Variants in NKD2 observed in about 807,000 individuals in gnomAD.
NKD2 encodes the protein protein naked cuticle homolog 2.
A neutral mutation model predicts 34.8 loss-of-function variants in NKD2; 43 were observed. The ratio of observed to expected loss-of-function variants is 1.24; its 90% CI spans 0.97 to 1.60. NKD2 has a LOEUF of 1.60. Ranked by LOEUF, NKD2 falls within the 40% of genes most tolerant of loss-of-function variation. The probability of loss-of-function intolerance (pLI) is 0.00; values close to 1 mark genes in which losing one functional copy is unlikely to be tolerated. For missense variants in NKD2, 675 were observed against 627.1 expected (o/e 1.08, Z -0.82); for synonymous variants, 278 against 265.1 (o/e 1.05, Z -0.47).
In NKD2 at chr5:1,035,710, G is replaced by A. The variant is rs371911081; in HGVS notation, c.659+237G>A. On this transcript the variant is annotated intron_variant, in intron 8 of 9. Coordinates refer to ENST00000296849, the MANE Select transcript of NKD2 (RefSeq NM_033120.4). ...GGCTTTGAGGGGCAGCAGCCACAGC[G>A]GCCTTGACACCCTCAGTCTGGACTT... is the stretch of plus-strand genomic sequence containing the variant. 25 of 546,266 alleles carry A rather than the reference G, an allele frequency of 4.6e-5. 1 individual carries two copies. The highest frequency in any genetic ancestry group is 1.5e-4 in the African/African-American group (8 of 52,410). 33.8% of individuals were successfully genotyped at this position (546,266 alleles called of 1,614,324 possible).
chr5:1,036,831 G>A (rs751518498), intron 9 of NKD2: 29 of 454,580 alleles, frequency 6.4e-5, no homozygotes, highest in Admixed American at 1.7e-4. Context: ...CAGGCAGTGT[G>A]GACAACAGAC....
At chr5:1,035,701 A>G (rs1456302232) in intron 8 of NKD2, 2 of 550,628 alleles carry the variant, frequency 3.6e-6, no homozygotes, top group Non-Finnish European at 6.4e-6. Context: ...GAGGGGCAGC[A>G]GCCACAGCGG....
At chr5:1,012,329 T>C (rs530014663) in intron 3 of NKD2, among the ~76,000 whole-genome samples, 1 of 152,320 alleles carries the variant, frequency 6.6e-6, no homozygotes, top group Admixed American at 6.5e-5. Context: ...GACCAGCCAG[T>C]GCGTGGAGGA....
intron 8 of NKD2, 116 bp from the exon 9 acceptor site, chr5:1,036,141 G>T (rs1276612957): frequency 7.3e-7 from 1 of 1,376,762 alleles, no homozygotes; most frequent in East Asian, 2.7e-5. Context: ...CTGCGAGGAG[G>T]TGGGTGCTGG....
chr5:1,021,307 C>A (rs1256918913), intron 3 of NKD2, among the ~76,000 whole-genome samples: 3 of 81,898 alleles, frequency 3.7e-5, no homozygotes, highest in Non-Finnish European at 7.4e-5. Context: ...CCTGCCCGGT[C>A]CCCCCGGCCC....
chr5:1,034,017 G>A, intron 5 of NKD2: 1 of 588,136 alleles, frequency 1.7e-6, no homozygotes, highest in Middle Eastern at 4.5e-4. Context: ...CGAATCACAG[G>A]GCACAAAGCT....
At chr5:1,031,260 G>A (rs1382616848) in intron 3 of NKD2, among the ~76,000 whole-genome samples, 1 of 152,164 alleles carries the variant, frequency 6.6e-6, no homozygotes, top group East Asian at 1.9e-4. Context: ...GGACTGTGAG[G>A]GCAGTCCCAG....
chr5:1,023,218 A>G (rs866954388), intron 3 of NKD2, among the ~76,000 whole-genome samples: 220 of 3,192 alleles, frequency 0.069, 15 homozygotes, highest in African/African-American at 0.089. Context: ...GTCTCAGCCC[A>G]TTGTCCCTGC....
At position 1,038,058 on chromosome 5, in the gene NKD2, C is replaced by T. The variant is rs751428749; in HGVS notation, c.1041C>T (p.Ser347=). Residue 347 remains serine (S), a synonymous_variant, in exon 10 of 10, where the codon AGC becomes AGT. Transcript: ENST00000296849. The surrounding 1 kb of genome is among the most constrained non-coding windows in gnomAD (Gnocchi z 4.5). The part of the protein sequence containing the change: ...SGKPPGVPAS[S]KSGKAFSYYL... ...AGCCGCCTGGGGTGCCAGCCAGCAG[C>T]AAGTCCGGGAAAGCCTTCAGCTACT... The T allele has an allele frequency of 4.3e-6, 7 of 1,609,522 alleles. No homozygotes were observed. Among genetic ancestry groups the T allele is most frequent in the Non-Finnish European group, 5.1e-6 (6 of 1,179,238 alleles).
intron 7 of NKD2, 133 bp downstream of exon 7, chr5:1,035,036 ATGAG>A (rs1733792432): frequency 3.7e-6 from 3 of 809,174 alleles, no homozygotes; most frequent in East Asian, 2.7e-5. Flanking sequence ...GAGTGAGTGA[ATGAG>A]TAAGTGGGTG....
In NKD2 at chr5:1,008,830, C is replaced by T. The variant is rs1458003868; in HGVS notation, c.-228C>T. ...GGGAGCCGGGCCGCCGTCGCTGCCG[C>T]CGCTGTCCCCGCGCCCTGCGCCCGG... On this transcript the variant is annotated 5_prime_UTR_variant, in exon 1 of 10. Coordinates refer to ENST00000296849, the MANE Select transcript of NKD2 (RefSeq NM_033120.4). The T allele has an allele frequency of 1.4e-5, 4 of 283,296 alleles. No homozygotes were observed. The highest frequency in any genetic ancestry group is 1.2e-4 in the East Asian group (2 of 16,354). The allele number at this position is 283,296 out of a possible 1,614,324, so 17.5% of individuals were successfully genotyped here.
chr5:1,023,833 A>T (rs79103112), intron 3 of NKD2, among the ~76,000 whole-genome samples: 2 of 4,892 alleles, frequency 4.1e-4, no homozygotes, highest in Non-Finnish European at 0.019. Context: ...GTCCCAGCCC[A>T]TTGTCCCTGC....
At chr5:1,030,857 A>G (rs10061048) in intron 3 of NKD2, among the ~76,000 whole-genome samples, 74,312 of 152,128 alleles carry the variant, frequency 0.49, 18,341 homozygotes, top group East Asian at 0.59. Context: ...CTGGGCGGCC[A>G]GCAGGAGACC....
At chr5:1,031,275 G>T (rs1756635736) in intron 3 of NKD2, among the ~76,000 whole-genome samples, 1 of 152,166 alleles carries the variant, frequency 6.6e-6, no homozygotes, top group Non-Finnish European at 1.5e-5. Flanking sequence ...TCCCAGCTGG[G>T]CAGCCCTGGG....
chr5:1,013,018 T>C (rs1016248175), intron 3 of NKD2, among the ~76,000 whole-genome samples: 1 of 152,206 alleles, frequency 6.6e-6, no homozygotes, highest in African/African-American at 2.4e-5. Flanking sequence ...CCAGTGCACG[T>C]GCGCCCAGAG....
chr5:1,010,840 T>C (rs1413074796), intron 3 of NKD2, among the ~76,000 whole-genome samples: 1 of 152,220 alleles, frequency 6.6e-6, no homozygotes, highest in Non-Finnish European at 1.5e-5. Flanking sequence ...GGTCAGGGCT[T>C]TGGCCGGCCC....
rs753721076 is a variant in NKD2, at chr5:1,038,712, G to A, written c.*339G>A. On this transcript the variant is annotated 3_prime_UTR_variant, in exon 10 of 10. Coordinates refer to ENST00000296849, the MANE Select transcript of NKD2 (RefSeq NM_033120.4). The surrounding 1 kb of genome is among the most constrained non-coding windows in gnomAD (Gnocchi z 4.5). ...GCCCTGGAGTGCGCAAGGAGTGCCC[G>A]GATGCTTGGGGTGGGTGTTCCTCCC... The A allele has an allele frequency of 4.5e-5, 25 of 555,058 alleles. No homozygotes were observed. Among genetic ancestry groups the A allele is most frequent in the South Asian group, 1.6e-4 (8 of 49,636 alleles). 34.4% of individuals were successfully genotyped at this position (555,058 alleles called of 1,614,324 possible).
At position 1,038,431 on chromosome 5, in the gene NKD2, G is replaced by A; in HGVS notation, c.*58G>A. 1 of 1,535,520 alleles carries A rather than the reference G, an allele frequency of 6.5e-7. No homozygotes were observed. The highest frequency in any genetic ancestry group is 8.7e-7 in the Non-Finnish European group (1 of 1,146,620). ...ACCACAGCCCGCGACCTCAGGGCAG[G>A]GAGCAGAGCAGCTGCCGGCTGTGTG... On this transcript the variant is annotated 3_prime_UTR_variant, in exon 10 of 10. Coordinates refer to ENST00000296849, the MANE Select transcript of NKD2 (RefSeq NM_033120.4). This position sits in a 1 kb window ranked among gnomAD's most constrained non-coding sequence, Gnocchi z 4.5.
At chr5:1,021,682 A>G (rs1412078030) in intron 3 of NKD2, among the ~76,000 whole-genome samples, 1 of 151,702 alleles carries the variant, frequency 6.6e-6, no homozygotes, top group Non-Finnish European at 1.5e-5. Context: ...GCGCTGGCGG[A>G]TCACCTTGAA....
Sources: allele counts gnomAD v4.1 joint callset (sites outside exome capture counted in the v4.1 genomes callset), GRCh38; gene constraint gnomAD v4.1.1; non-coding constraint Gnocchi (gnomAD v3.1); transcripts MANE v1.5; gene names NCBI Gene and HGNC (gene_info 2026-07-23, HGNC 2026-07-21).